The following TMEM117 variants were observed in gnomAD, a reference collection of about 807,000 sequenced individuals.
TMEM117 encodes the protein transmembrane protein 117.
Under a neutral mutation model 52.4 loss-of-function variants are expected in TMEM117, and 27 were observed. That is an observed-to-expected ratio of 0.51 (90% CI 0.38 to 0.71). The LOEUF (loss-of-function observed/expected upper bound fraction) is 0.71. Among genes scored for constraint, TMEM117 ranks in the 30% least tolerant of loss-of-function variants. The probability of loss-of-function intolerance (pLI) is 0.00; values close to 1 mark genes in which losing one functional copy is unlikely to be tolerated. For synonymous variants in TMEM117, 215 were observed against 206.3 expected (o/e 1.04, Z -0.36); for missense variants, 556 against 630.5 (o/e 0.88, Z 1.26).
chr12:43,944,071 G>A lies in TMEM117; in HGVS notation c.278-139G>A, dbSNP rs942451434. ...AAAACAGCAAAAAGAACATTATATT[G>A]TGGCTTCACTCATAAGGCAGTCTTA... On this transcript the variant is annotated intron_variant, in intron 2 of 7. Transcript: ENST00000266534. 1.2e-5 allele frequency: 8 copies of A among 650,058 alleles called. No individual in the cohort carries two copies. In the East Asian group the frequency reaches 2.1e-4, roughly 17 times the overall value. 40.3% of individuals were successfully genotyped at this position (650,058 alleles called of 1,614,324 possible).
At chr12:44,256,706 C>T (rs1950264373) in intron 5 of TMEM117, among the ~76,000 whole-genome samples, 1 of 151,930 alleles carries the variant, frequency 6.6e-6, no homozygotes, top group South Asian at 2.1e-4. Flanking sequence ...ATAACATGGG[C>T]TTTCATCTTA....
At chr12:43,879,829 G>A (rs201673855) in intron 2 of TMEM117, among the ~76,000 whole-genome samples, 3 of 152,112 alleles carry the variant, frequency 2.0e-5, no homozygotes, top group East Asian at 3.8e-4. Flanking sequence ...GAGTGTACTC[G>A]TAGAAAGAGC....
intron 6 of TMEM117, among the ~76,000 whole-genome samples, chr12:44,320,403 C>G (rs1038180647): frequency 3.3e-5 from 5 of 152,090 alleles, no homozygotes; most frequent in Admixed American, 1.3e-4. Context: ...TTTTTAACAC[C>G]AAAATCTTAT....
intron 3 of TMEM117, among the ~76,000 whole-genome samples, chr12:44,087,089 C>T (rs1028294650): frequency 1.3e-5 from 2 of 149,410 alleles, no homozygotes; most frequent in African/African-American, 4.9e-5. Flanking sequence ...TGCCTTTTTT[C>T]TTATGCCTCT....
At chr12:44,181,277 C>G (rs1012475762) in intron 4 of TMEM117, among the ~76,000 whole-genome samples, 1 of 151,422 alleles carries the variant, frequency 6.6e-6, no homozygotes, top group Non-Finnish European at 1.5e-5. Flanking sequence ...GAGTAGGTTG[C>G]GAAAATTTTC....
At chr12:44,385,798 C>T (rs1369874647) in intron 7 of TMEM117, among the ~76,000 whole-genome samples, 1 of 152,094 alleles carries the variant, frequency 6.6e-6, no homozygotes, top group East Asian at 1.9e-4. Flanking sequence ...TTAGTGTCTC[C>T]TTAATACTGG....
At chr12:43,813,293 G>A in the TMEM117 span, among the ~76,000 whole-genome samples, 2 of 137,084 alleles carry the variant, frequency 1.5e-5, no homozygotes, top group African/African-American at 5.7e-5. Context: ...GCCCAGGCTG[G>A]AGTACAATGG....
intron 2 of TMEM117, among the ~76,000 whole-genome samples, chr12:43,919,653 T>A (rs1944660406): frequency 6.6e-6 from 1 of 152,148 alleles, no homozygotes; most frequent in South Asian, 2.1e-4. Context: ...TTCTTTTGGA[T>A]AAATATCCAG....
At chr12:44,206,699 A>T (rs141648212) in intron 4 of TMEM117, among the ~76,000 whole-genome samples, 24 of 152,288 alleles carry the variant, frequency 1.6e-4, no homozygotes, top group African/African-American at 5.1e-4. Context: ...ATCCTAAGCA[A>T]ATTAATAAAG....
chr12:43,852,203 G>A (rs1344326094), intron 2 of TMEM117, among the ~76,000 whole-genome samples: 1 of 152,132 alleles, frequency 6.6e-6, no homozygotes, highest in Non-Finnish European at 1.5e-5. Flanking sequence ...AGGCCGAGTC[G>A]GGCGGATCAC....
At chr12:44,035,898 C>T (rs1592460395) in intron 3 of TMEM117, among the ~76,000 whole-genome samples, 1 of 152,168 alleles carries the variant, frequency 6.6e-6, no homozygotes, top group Non-Finnish European at 1.5e-5. Context: ...TGCAGGACTG[C>T]TGAGGGCCCC....
chr12:44,131,076 C>G (rs1310030371), intron 3 of TMEM117, among the ~76,000 whole-genome samples: 1 of 151,928 alleles, frequency 6.6e-6, no homozygotes, highest in Non-Finnish European at 1.5e-5. Flanking sequence ...TTTGCTGTTT[C>G]TTCTCTAATT....
chr12:44,023,159 A>C (rs373326184), intron 3 of TMEM117, among the ~76,000 whole-genome samples: 332 of 152,248 alleles, frequency 2.2e-3, no homozygotes, highest in Non-Finnish European at 3.2e-3. Flanking sequence ...TGAACTCTTC[A>C]TTTTTTATGG....
chr12:43,997,763 G>A (rs1300521900), intron 3 of TMEM117, among the ~76,000 whole-genome samples: 1 of 152,028 alleles, frequency 6.6e-6, no homozygotes, highest in African/African-American at 2.4e-5. Flanking sequence ...CCTCCTCTTT[G>A]CCTCCTACTA....
intron 6 of TMEM117, among the ~76,000 whole-genome samples, chr12:44,317,523 T>C (rs1951072392): frequency 1.3e-5 from 2 of 152,090 alleles, no homozygotes; most frequent in Non-Finnish European, 2.9e-5. Flanking sequence ...GCCTCCCAAG[T>C]AGGTGGGATT....
intron 1 of TMEM117, among the ~76,000 whole-genome samples, chr12:43,843,949 T>C (rs1943156971): frequency 6.6e-6 from 1 of 152,234 alleles, no homozygotes; most frequent in African/African-American, 2.4e-5. Context: ...ATCATAACTC[T>C]GAGGAGAGGG....
At chr12:43,813,009 A>C in the TMEM117 span, among the ~76,000 whole-genome samples, 1 of 146,984 alleles carries the variant, frequency 6.8e-6, no homozygotes, top group African/African-American at 2.5e-5. Flanking sequence ...CCTGTCTCCA[A>C]AAAAAAAAAG....
intron 5 of TMEM117, among the ~76,000 whole-genome samples, chr12:44,231,607 T>G (rs2138453385): frequency 6.6e-6 from 1 of 151,964 alleles, no homozygotes; most frequent in East Asian, 1.9e-4. Flanking sequence ...AAGTTATCTT[T>G]GTTCTACCCG....
intron 3 of TMEM117, among the ~76,000 whole-genome samples, chr12:43,965,769 A>T (rs1426794414): frequency 2.6e-5 from 4 of 152,086 alleles, no homozygotes; most frequent in Non-Finnish European, 5.9e-5. Flanking sequence ...CTTTTATTTT[A>T]GATTCAGGGG....
Sources: allele counts gnomAD v4.1 joint callset (sites outside exome capture counted in the v4.1 genomes callset), GRCh38; gene constraint gnomAD v4.1.1; transcripts MANE v1.5; gene names NCBI Gene and HGNC (gene_info 2026-07-23, HGNC 2026-07-21).